The following TDRD1 variants were observed in gnomAD, a reference collection of about 807,000 sequenced individuals.
TDRD1 encodes the protein tudor domain-containing protein 1.
Under a neutral mutation model 140.6 loss-of-function variants are expected in TDRD1, and 37 were observed. The observed-to-expected ratio is 0.26, with a 90% CI of 0.20 to 0.35. TDRD1 has a LOEUF of 0.35. Ranked by LOEUF, TDRD1 falls within the 10% of genes least tolerant of loss-of-function variation. The pLI is 1.00. For synonymous variants in TDRD1, 506 were observed against 475.7 expected, an observed-to-expected ratio of 1.06 and a Z score of -0.83; for missense variants, 1,243 against 1,393.0, an observed-to-expected ratio of 0.89 and a Z score of 1.71.
intron 16 of TDRD1, among the ~76,000 whole-genome samples, 185 bp downstream of exon 16, chr10:114,214,299 A>G (rs952785342): frequency 6.6e-6 from 1 of 152,148 alleles, no homozygotes; most frequent in Non-Finnish European, 1.5e-5. Flanking sequence ...CATTATTTCT[A>G]TTTTCAACAA....
At chr10:114,211,194 G>A (rs565113763) in intron 13 of TDRD1, among the ~76,000 whole-genome samples, 1 of 152,286 alleles carries the variant, frequency 6.6e-6, no homozygotes, top group East Asian at 1.9e-4. Flanking sequence ...CAAGGAGGTG[G>A]AGATATAAAG....
chr10:114,217,906 A>T (rs1564962163), intron 17 of TDRD1, among the ~76,000 whole-genome samples: 1 of 152,196 alleles, frequency 6.6e-6, no homozygotes, highest in Non-Finnish European at 1.5e-5. Context: ...TATTAAAATA[A>T]CTTAGCTCAT....
At chr10:114,180,402 C>A (rs1001522640) in intron 1 of TDRD1, among the ~76,000 whole-genome samples, 2 of 152,200 alleles carry the variant, frequency 1.3e-5, no homozygotes, top group African/African-American at 4.8e-5. Context: ...ACGAGACTTA[C>A]CTGGCTGACT....
intron 19 of TDRD1, 47 bp downstream of exon 19, chr10:114,220,890 T>G (rs1564692150): frequency 7.2e-7 from 1 of 1,396,364 alleles, no homozygotes; most frequent in East Asian, 2.3e-5. Context: ...TATTCTTTGC[T>G]CTCAGAGACT....
chr10:114,187,904 C>T, exon 2 of TDRD1: 1 of 1,612,750 alleles, frequency 6.2e-7, no homozygotes, highest in Non-Finnish European at 8.5e-7. Context: ...GATGACAGAG[C>T]CATTTAATTT....
At chr10:114,224,566 C>T (rs2036328066) in intron 21 of TDRD1, among the ~76,000 whole-genome samples, 1 of 152,166 alleles carries the variant, frequency 6.6e-6, no homozygotes, top group Non-Finnish European at 1.5e-5. Flanking sequence ...TGCTAAATGT[C>T]CTCTTCTCTC....
rs534981965 is a variant in TDRD1 at position 114,230,125 on chromosome 10, C to T, written c.3539-1361C>T. Reference sequence around the variant, plus strand: ...GGATTACAGGCGTGAGCCACTGCGCCCGGCCACCAAGTCATTACATTTTTA... The same window carrying T: ...GGATTACAGGCGTGAGCCACTGCGCTCGGCCACCAAGTCATTACATTTTTA... On this transcript the variant is annotated intron_variant, in intron 25 of 25. Coordinates refer to ENST00000251864, the Ensembl canonical transcript of TDRD1. Among the ~76,000 whole-genome samples, 148 of 152,334 alleles carry T rather than the reference C, an allele frequency of 9.7e-4. 3 individuals carry two copies. In the South Asian group the frequency reaches 0.029, roughly 30 times the overall value.
intron 21 of TDRD1, among the ~76,000 whole-genome samples, chr10:114,225,592 G>T (rs978875127): frequency 5.9e-5 from 9 of 151,844 alleles, no homozygotes; most frequent in African/African-American, 2.2e-4. Flanking sequence ...GGGTACAGTG[G>T]CTCACGCCTG....
intron 11 of TDRD1, among the ~76,000 whole-genome samples, chr10:114,209,340 C>T (rs1259546787): frequency 6.6e-6 from 1 of 152,202 alleles, no homozygotes; most frequent in African/African-American, 2.4e-5. Flanking sequence ...CTGACTGGTC[C>T]AGTGGGTTAC....
intron 5 of TDRD1, 134 bp from the exon 6 acceptor site, chr10:114,202,104 A>T: frequency 1.5e-6 from 1 of 657,998 alleles, no homozygotes; most frequent in Non-Finnish European, 2.5e-6. Context: ...GTTTTACATT[A>T]CCACTGTGAT....
At chr10:114,211,793 G>A (rs983506306) in intron 13 of TDRD1, 73 bp from the exon 14 acceptor site, 13 of 1,378,818 alleles carry the variant, frequency 9.4e-6, no homozygotes, top group Non-Finnish European at 1.2e-5. Context: ...CCATCTCTAA[G>A]TTGAGGAAGA....
intron 1 of TDRD1, among the ~76,000 whole-genome samples, chr10:114,186,485 C>T (rs371890684): frequency 1.4e-5 from 2 of 146,642 alleles, no homozygotes; most frequent in Non-Finnish European, 3.0e-5. Flanking sequence ...AAGATGATCT[C>T]GATCTCCTGA....
chr10:114,190,962 A>G, exon 3 of TDRD1: 1 of 1,613,994 alleles, frequency 6.2e-7, no homozygotes, highest in Non-Finnish European at 8.5e-7. Flanking sequence ...CCTCCCCAGG[A>G]AACTCAGTGT....
At chr10:114,221,201 A>G (rs2036123359) in intron 19 of TDRD1, among the ~76,000 whole-genome samples, 156 bp from the exon 20 acceptor site, 3 of 152,216 alleles carry the variant, frequency 2.0e-5, no homozygotes, top group Non-Finnish European at 4.4e-5. Flanking sequence ...CAAATAGAAT[A>G]GATTGTTTTG....
At chr10:114,194,715 G>T (rs1042726392) in intron 3 of TDRD1, among the ~76,000 whole-genome samples, 3 of 142,904 alleles carry the variant, frequency 2.1e-5, no homozygotes, top group African/African-American at 5.1e-5. Context: ...TTTTGTCATT[G>T]TTTGGGGGTT....
chr10:114,203,506 A>G, exon 8 of TDRD1: 1 of 1,613,908 alleles, frequency 6.2e-7, no homozygotes, highest in East Asian at 2.2e-5. Flanking sequence ...GCAAATGTGC[A>G]TGAAAAAGAC....
intron 2 of TDRD1, among the ~76,000 whole-genome samples, chr10:114,188,876 GA>G (rs34349007): frequency 0.26 from 27,837 of 107,108 alleles, 2,912 homozygotes; most frequent in African/African-American, 0.34. Context: ...AAAACAAAAT[GA>G]AAAAAAAAAA....
chr10:114,225,856 CA>C (rs369019516), intron 21 of TDRD1, among the ~76,000 whole-genome samples, 192 bp from the exon 22 acceptor site: 16,769 of 102,396 alleles, frequency 0.16, 988 homozygotes, highest in African/African-American at 0.26. Context: ...GACCCTGTCT[CA>C]AAAAAAAAAA....
chr10:114,229,041 A>G lies in TDRD1; in HGVS notation c.3538+916A>G, dbSNP rs539130237. Among the ~76,000 whole-genome samples the G allele has an allele frequency of 3.3e-5, 5 of 152,220 alleles. No individual in the cohort carries two copies. The South Asian group carries it at 1.0e-3, about 32-fold the overall frequency. On this transcript the variant is annotated intron_variant, in intron 25 of 25. Coordinates refer to ENST00000251864, the Ensembl canonical transcript of TDRD1. ...GCGGTTGCAGTGAGCCAAGACTGCT[A>G]TTATACTCCAGCCTGGGTGACAGAG...
Sources: allele counts gnomAD v4.1 joint callset (sites outside exome capture counted in the v4.1 genomes callset), GRCh38; gene constraint gnomAD v4.1.1; transcripts MANE v1.5; gene names NCBI Gene and HGNC (gene_info 2026-07-23, HGNC 2026-07-21).